The following WFDC8 variants were observed in gnomAD, a reference collection of about 807,000 sequenced individuals.
WFDC8 encodes the protein WAP four-disulfide core domain 8.
Under a neutral mutation model 27.0 loss-of-function variants are expected in WFDC8, and 24 were observed. That is an observed-to-expected ratio of 0.89 (90% CI 0.64 to 1.25). WFDC8 has a LOEUF of 1.25. Ranked by LOEUF, WFDC8 falls within the 50% of genes most tolerant of loss-of-function variation. The probability of loss-of-function intolerance (pLI) is 0.00; values close to 1 mark genes in which losing one functional copy is unlikely to be tolerated. For missense variants in WFDC8, 287 were observed against 295.9 expected (o/e 0.97, Z 0.22); for synonymous variants, 106 against 99.7 (o/e 1.06, Z -0.38).
intron 1 of WFDC8, among the ~76,000 whole-genome samples, chr20:45,564,577 GGC>G (rs1980580032): frequency 6.6e-6 from 1 of 151,960 alleles, no homozygotes; most frequent in South Asian, 2.1e-4. Context: ...GGGAGGCTGA[GGC>G]AGGACAATGG....
intron 1 of WFDC8, among the ~76,000 whole-genome samples, chr20:45,563,443 T>A (rs947591523): frequency 1.3e-5 from 2 of 152,204 alleles, no homozygotes; most frequent in African/African-American, 2.4e-5. Flanking sequence ...AATCCACCAC[T>A]TATCGGCTGT....
chr20:45,553,429 G>A (rs1303978626), intron 4 of WFDC8, among the ~76,000 whole-genome samples, 153 bp from the exon 5 acceptor site: 10 of 152,150 alleles, frequency 6.6e-5, no homozygotes, highest in Non-Finnish European at 1.5e-4. Context: ...AGAATGAAAT[G>A]TCTCATCATA....
At chr20:45,575,543 T>C (rs1981014212) in intron 1 of WFDC8, among the ~76,000 whole-genome samples, 1 of 151,344 alleles carries the variant, frequency 6.6e-6, no homozygotes, top group Non-Finnish European at 1.5e-5. Flanking sequence ...ATATTTCATA[T>C]TCATATTTCA....
chr20:45,572,490 G>A (rs768127585), intron 1 of WFDC8, among the ~76,000 whole-genome samples: 1 of 151,910 alleles, frequency 6.6e-6, no homozygotes, highest in Non-Finnish European at 1.5e-5. Flanking sequence ...ATTCTAACAG[G>A]CATGAGGTGA....
intron 4 of WFDC8, among the ~76,000 whole-genome samples, chr20:45,554,366 T>A (rs181657243): frequency 6.6e-6 from 1 of 152,212 alleles, no homozygotes; most frequent in East Asian, 1.9e-4. Context: ...GAGATGTTTG[T>A]GAGGTCCAGG....
chr20:45,551,868 C>T lies in WFDC8; in HGVS notation c.*158G>A. On this transcript the variant is annotated 3_prime_UTR_variant, in exon 6 of 6. Coordinates refer to ENST00000289953, the MANE Select transcript of WFDC8 (RefSeq NM_130896.3). ...TGAAAAAAAGCCAAATATATCATCA[C>T]TTTCAGATGATGGGATTATATATAA... 1.1e-6 allele frequency: 1 copy of T among 911,812 alleles called. No individual in the cohort carries two copies. The highest frequency in any genetic ancestry group is 2.1e-5 in the South Asian group (1 of 48,436). 56.5% of individuals were successfully genotyped at this position (911,812 alleles called of 1,614,324 possible). A position where few individuals can be genotyped will look rare whatever the true frequency, so the allele number is the denominator to read the frequency against.
chr20:45,575,472 T>C lies in WFDC8; in HGVS notation c.26+3750A>G, dbSNP rs950964012. 5.0e-5 allele frequency among the ~76,000 whole-genome samples: 7 copies of C among 141,342 alleles called. 1 individual carries two copies. Among genetic ancestry groups the C allele is most frequent in the Non-Finnish European group, 9.8e-5 (6 of 61,352 alleles). 92.7% of individuals were successfully genotyped at this position (141,342 alleles called of 152,430 possible). Reference sequence around the variant, plus strand: ...TTTAACAAAGGATATGAAAGATCTGTACACTGAAAACTACAAAATATTAGT... The same window carrying C: ...TTTAACAAAGGATATGAAAGATCTGCACACTGAAAACTACAAAATATTAGT... On this transcript the variant is annotated intron_variant, in intron 1 of 5. Coordinates refer to ENST00000289953, the MANE Select transcript of WFDC8 (RefSeq NM_130896.3).
chr20:45,571,012 A>G lies in WFDC8; in HGVS notation c.26+8210T>C, dbSNP rs566577834. On this transcript the variant is annotated intron_variant, in intron 1 of 5. Coordinates refer to ENST00000289953, the MANE Select transcript of WFDC8 (RefSeq NM_130896.3). ...TTCTCCTAGGACAGCTTTCAAATCC[A>G]GTTGGTTCCTTGGTTTCTGAGCCTG... 2.0e-5 allele frequency among the ~76,000 whole-genome samples: 3 copies of G among 152,284 alleles called. No individual in the cohort carries two copies. The East Asian group carries it at 5.8e-4, about 29-fold the overall frequency.
At chr20:45,551,239 A>C (rs1418891995), downstream of WFDC8, 1 of 152,234 alleles carries the variant, frequency 6.6e-6, no homozygotes, top group Non-Finnish European at 1.5e-5. Context: ...TTAGAAGAGA[A>C]AAATCATTAT....
chr20:45,564,426 C>T (rs1031935634), intron 1 of WFDC8, among the ~76,000 whole-genome samples: 1 of 152,148 alleles, frequency 6.6e-6, no homozygotes, highest in South Asian at 2.1e-4. Flanking sequence ...AATCCCAGCA[C>T]TTTGGGAGGC....
chr20:45,565,159 A>G (rs532099431), intron 1 of WFDC8, among the ~76,000 whole-genome samples: 1 of 152,132 alleles, frequency 6.6e-6, no homozygotes, highest in African/African-American at 2.4e-5. Context: ...GAGGGAAGGA[A>G]GGAAGGACAC....
chr20:45,573,877 GTA>G (rs1271490558), intron 1 of WFDC8, among the ~76,000 whole-genome samples: 2 of 152,086 alleles, frequency 1.3e-5, no homozygotes, highest in Non-Finnish European at 2.9e-5. Flanking sequence ...ATTGGTCAAT[GTA>G]TCTGTTTCTA....
intron 4 of WFDC8, 39 bp from the exon 5 acceptor site, chr20:45,553,315 C>A (rs746640133): frequency 3.1e-6 from 5 of 1,588,064 alleles, no homozygotes; most frequent in African/African-American, 2.7e-5. Context: ...AAAACCCCAC[C>A]CCCATCCCAC....
rs977952569 is a variant in WFDC8, at chr20:45,551,974, A to T, written c.*52T>A. Reference sequence around the variant, plus strand: ...TACAAGACAAAACTGACAGCTCTTTATCATGCTACTCATAATTAATGATTT... The same window carrying T: ...TACAAGACAAAACTGACAGCTCTTTTTCATGCTACTCATAATTAATGATTT... On this transcript the variant is annotated 3_prime_UTR_variant, in exon 6 of 6. Coordinates refer to ENST00000289953, the MANE Select transcript of WFDC8 (RefSeq NM_130896.3). 1.9e-6 allele frequency: 3 copies of T among 1,596,864 alleles called. No individual in the cohort carries two copies. In the African/African-American group the frequency reaches 4.0e-5, roughly 21 times the overall value.
chr20:45,569,431 T>C (rs770092931), intron 1 of WFDC8, among the ~76,000 whole-genome samples: 31 of 152,352 alleles, frequency 2.0e-4, no homozygotes, highest in Non-Finnish European at 3.7e-4. Flanking sequence ...TGTTCATTAT[T>C]ATTATATCAT....
chr20:45,562,602 T>C (rs1027532419), intron 1 of WFDC8, among the ~76,000 whole-genome samples: 3 of 152,214 alleles, frequency 2.0e-5, no homozygotes, highest in African/African-American at 7.2e-5. Context: ...ATCTTTTCTT[T>C]GCTCCACTGA....
chr20:45,552,159 T>C lies in WFDC8; in HGVS notation c.593A>G (p.Lys198Arg). Reference protein sequence around the residue: ...FVCARAWTVKKGFCPRKPLLC... With the variant: ...FVCARAWTVKRGFCPRKPLLC... ...CAAGGGCTTGCGTGGGCAGAAACCT[T>C]TTTTGACTTTATGGGGTAAAAGAAA... The change falls in exon 6 of 6, where the codon AAA becomes AGA. Residue 198 changes from lysine (K) to arginine (R), a missense_variant. Lys to Arg is a conservative substitution (Grantham distance 26). Transcript: ENST00000289953. 2 of 1,613,558 alleles carry C rather than the reference T, an allele frequency of 1.2e-6. No individual in the cohort carries two copies. Among genetic ancestry groups the C allele is most frequent in the Non-Finnish European group, 1.7e-6 (2 of 1,179,820 alleles).
chr20:45,568,565 C>T (rs904476977), intron 1 of WFDC8: 1 of 485,640 alleles, frequency 2.1e-6, no homozygotes, highest in African/African-American at 1.9e-5. Flanking sequence ...ATGCCCAACA[C>T]TATCTCCAGT....
chr20:45,554,600 C>G (rs1481585194), intron 4 of WFDC8, among the ~76,000 whole-genome samples: 2 of 152,146 alleles, frequency 1.3e-5, no homozygotes, highest in Admixed American at 6.5e-5. Context: ...GAGTCTTAAC[C>G]TAAATTTCCC....
Sources: gnomAD v4.1 joint callset for allele counts (sites outside exome capture counted in the v4.1 genomes callset) on GRCh38, gnomAD v4.1.1 for gene constraint, MANE v1.5 for transcripts, NCBI Gene and HGNC (gene_info 2026-07-23, HGNC 2026-07-21) for gene names.